SYCE1: variants seen among roughly 807,000 people sequenced by gnomAD.
SYCE1 encodes the protein synaptonemal complex central element protein 1, also known as cancer/testis antigen 76.
In SYCE1, 37 loss-of-function variants were observed where a neutral mutation model predicts 55.1. The observed-to-expected ratio is 0.67, with a 90% CI of 0.52 to 0.88. The LOEUF (loss-of-function observed/expected upper bound fraction) is 0.88, where lower values mean the gene tolerates loss of function less well. Ranked by LOEUF, SYCE1 falls within the 40% of genes least tolerant of loss-of-function variation. The pLI is 0.00. For missense variants in SYCE1, 399 were observed against 416.4 expected (o/e 0.96, Z 0.36); for synonymous variants, 163 against 159.4 (o/e 1.02, Z -0.17).
chr10:133,567,019 G>C (rs1054552578), upstream of SYCE1, among the ~76,000 whole-genome samples: 1 of 151,766 alleles, frequency 6.6e-6, no homozygotes, highest in Non-Finnish European at 1.5e-5. Flanking sequence ...GTTACGGTTC[G>C]GGCTAGGGTT....
rs778951995 is a variant in SYCE1, at chr10:133,555,351, C to T, written c.918G>A (p.Val306=). The part of the protein sequence containing the change: ...TQEEEAGPGD[V]ASPKPLKGER... ...CCTGACGCCCACTTCTGGGGCTTAC[C>T]ACATCTCCTGGGCCAGCCTCTTCCT... The change falls in exon 12 of 13, where the codon GTG becomes GTA. Residue 306 remains valine, a splice_region_variant and synonymous_variant. Transcript: ENST00000343131. The T allele has an allele frequency of 2.0e-5, 32 of 1,613,922 alleles. No individual in the cohort carries two copies. Among genetic ancestry groups the T allele is most frequent in the Non-Finnish European group, 2.6e-5 (31 of 1,179,916 alleles).
At chr10:133,566,364 A>G (rs1308609081), upstream of SYCE1, among the ~76,000 whole-genome samples, 1 of 152,226 alleles carries the variant, frequency 6.6e-6, no homozygotes, top group Non-Finnish European at 1.5e-5. Context: ...ATCCTAACCT[A>G]TAAAAGGTTA....
chr10:133,558,283 C>T (rs1470858105), intron 4 of SYCE1, 69 bp from the exon 5 acceptor site: 41 of 1,557,698 alleles, frequency 2.6e-5, no homozygotes, highest in African/African-American at 1.5e-4. Context: ...GGCTTGCTCA[C>T]GGTCACATGG....
At chr10:133,562,756 G>T (rs971219149) in intron 1 of SYCE1, among the ~76,000 whole-genome samples, 5 of 152,104 alleles carry the variant, frequency 3.3e-5, no homozygotes, top group Non-Finnish European at 7.3e-5. Context: ...GCATCCATGT[G>T]GTCGAGCCTC....
intron 2 of SYCE1, chr10:133,559,701 G>GT: frequency 2.4e-6 from 1 of 419,766 alleles, no homozygotes; most frequent in South Asian, 2.5e-5. Context: ...TTTGGGTGGG[G>GT]TTGGGAGGTA....
At position 133,558,959 on chromosome 10, in the gene SYCE1, A is replaced by G; in HGVS notation, c.197-8T>C. The G allele has an allele frequency of 6.2e-7, 1 of 1,608,216 alleles. No homozygotes were observed. The highest frequency in any genetic ancestry group is 8.5e-7 in the Non-Finnish European group (1 of 1,178,550). On this transcript the variant is annotated splice_polypyrimidine_tract_variant and splice_region_variant and intron_variant, in intron 3 of 12. Transcript: ENST00000343131. ...TATTGGCTTTCTTTTTTGCTTCACC[A>G]AAGAGCAGAAAAACATTGTGTGAGT...
Position 133,559,126 on chromosome 10 carries a change from G to C in SYCE1, c.196+175C>G, listed in dbSNP as rs138940549. 2.4e-5 allele frequency: 22 copies of C among 913,162 alleles called. No homozygotes were observed. In the African/African-American group the frequency reaches 3.4e-4, roughly 14 times the overall value. 56.6% of individuals were successfully genotyped at this position (913,162 alleles called of 1,614,324 possible). ...GCTGATAGCAGGGCCAGGATCATGG[G>C]CATGTAACTATGGCAGTCGCATGCT... On this transcript the variant is annotated intron_variant, in intron 3 of 12. Coordinates refer to ENST00000343131, the MANE Select transcript of SYCE1 (RefSeq NM_001143764.3).
At chr10:133,558,999 C>T in intron 3 of SYCE1, 48 bp from the exon 4 acceptor site, 6 of 1,556,764 alleles carry the variant, frequency 3.9e-6, no homozygotes, top group Non-Finnish European at 4.4e-6. Flanking sequence ...CCTCTATTCT[C>T]TTCCCAACAG....
At chr10:133,559,048 C>T in intron 3 of SYCE1, 97 bp from the exon 4 acceptor site, 2 of 1,296,594 alleles carry the variant, frequency 1.5e-6, no homozygotes, top group Non-Finnish European at 1.1e-6. Flanking sequence ...TCTATAGTGG[C>T]CTAGATTTTA....
At chr10:133,564,324 C>T (rs1589972083) in intron 1 of SYCE1, 1 of 945,522 alleles carries the variant, frequency 1.1e-6, no homozygotes. Context: ...CTTCTAGCCT[C>T]GAAAACTGTG....
upstream of SYCE1, among the ~76,000 whole-genome samples, chr10:133,566,048 C>G (rs1008367232): frequency 1.3e-5 from 2 of 152,242 alleles, no homozygotes; most frequent in African/African-American, 4.8e-5. Context: ...TTCCTGCGCG[C>G]GCAGAGGAGC....
upstream of SYCE1, among the ~76,000 whole-genome samples, chr10:133,567,092 A>G (rs1446720638): frequency 6.7e-6 from 1 of 149,154 alleles, no homozygotes. Flanking sequence ...GCATTAGGGT[A>G]GGGGTTAGGT....
In SYCE1 at chr10:133,557,095, C is replaced by T. The variant is rs761570590; in HGVS notation, c.436G>A (p.Glu146Lys). The T allele has an allele frequency of 9.3e-6, 15 of 1,614,062 alleles. No homozygotes were observed. The highest frequency in any genetic ancestry group is 1.1e-5 in the Non-Finnish European group (13 of 1,180,038). ...AGCTGTCTCTGTTTGTTCTTCTCTT[C>T]TTCAATCTGCAAGTTCAGGGCAGAA... Reference protein sequence around the residue: ...RISALNLQIEEEKNKQRQLRL... With the variant: ...RISALNLQIEKEKNKQRQLRL... Residue 146 changes from glutamate to lysine, a missense_variant, in exon 7 of 13, where the codon GAA becomes AAA. Glu to Lys is a moderately conservative substitution (Grantham distance 56, BLOSUM62 1). Transcript: ENST00000343131.
intron 1 of SYCE1, among the ~76,000 whole-genome samples, chr10:133,563,974 C>T (rs1851870596): frequency 6.6e-6 from 1 of 151,728 alleles, no homozygotes; most frequent in South Asian, 2.1e-4. Context: ...GTGTCACTGA[C>T]CCTAGATAAC....
At chr10:133,567,346 GGGGGTTA>G (rs1404998189), upstream of SYCE1, among the ~76,000 whole-genome samples, 6 of 151,516 alleles carry the variant, frequency 4.0e-5, no homozygotes, top group South Asian at 1.0e-3. Context: ...TGCTTGAGGT[GGGGGTTA>G]GGTGTTAGGG....
Position 133,559,343 on chromosome 10 carries a change from G to A in SYCE1, c.154C>T (p.Arg52Ter), listed in dbSNP as rs1347754501. ...ATCCGGTTAATCAGGACCTCAACTC[G>A]GGGCTCTAGGCTTCCCACTGCACGG... ...KLQKVGSLEP[R>*]VEVLINRINE... The change falls in exon 3 of 13, where the codon CGA (arginine) becomes TGA (stop). Residue 52 changes from arginine to a stop codon, truncating the protein, a stop_gained. Transcript: ENST00000343131. LOFTEE classifies it high-confidence loss of function. The A allele has an allele frequency of 5.0e-6, 8 of 1,614,072 alleles. No homozygotes were observed. The highest frequency in any genetic ancestry group is 2.2e-5 in the East Asian group (1 of 44,876).
In SYCE1 at chr10:133,555,912, C is replaced by A; in HGVS notation, c.596-9G>T. 6.2e-7 allele frequency: 1 copy of A among 1,613,800 alleles called. No homozygotes were observed. On this transcript the variant is annotated splice_polypyrimidine_tract_variant and intron_variant, in intron 9 of 12. Coordinates refer to ENST00000343131, the MANE Select transcript of SYCE1 (RefSeq NM_001143764.3). ...CGCCTTGACCAGCTTCTCTGCAGCA[C>A]AAAGGGGCAGGTGAGCACATGAAGG...
chr10:133,565,447 C>T lies in SYCE1; in HGVS notation c.73+10G>A, dbSNP rs1274142199. ...ACCCTCACGCACAGTTCCCTGCCTC[C>T]CACCACTACCTCCGGCCTTCTCAGC... On this transcript the variant is annotated intron_variant, in intron 1 of 12. Transcript: ENST00000343131. 5.8e-6 allele frequency: 9 copies of T among 1,545,784 alleles called. No homozygotes were observed. The highest frequency in any genetic ancestry group is 4.1e-5 in the African/African-American group (3 of 72,732).
At position 133,556,821 on chromosome 10, in the gene SYCE1, A is replaced by G. The variant is rs370136676; in HGVS notation, c.466T>C (p.Leu156=). The G allele has an allele frequency of 3.8e-5, 61 of 1,589,952 alleles. No individual in the cohort carries two copies. Among genetic ancestry groups the G allele is most frequent in the South Asian group, 1.0e-4 (9 of 88,096 alleles). ...EEKNKQRQLR[L]AFEEQLEDLM... ...TCTTCCAGCTGTTCCTCGAATGCCAACCTGGGAACCAACCACAGGCATGAG... is the reference window on the plus strand; with the variant it reads ...TCTTCCAGCTGTTCCTCGAATGCCAGCCTGGGAACCAACCACAGGCATGAG... Residue 156 remains leucine (L), a splice_region_variant and synonymous_variant, in exon 8 of 13, where the codon TTG becomes CTG. Transcript: ENST00000343131.
Sources: gnomAD v4.1 joint callset for allele counts (sites outside exome capture counted in the v4.1 genomes callset) on GRCh38, gnomAD v4.1.1 for gene constraint, MANE v1.5 for transcripts, NCBI Gene and HGNC (gene_info 2026-07-23, HGNC 2026-07-21) for gene names.